GPC3: variants seen among roughly 807,000 people sequenced by gnomAD.
The protein encoded by GPC3 is glypican-3.
Under a neutral mutation model 34.4 loss-of-function variants are expected in GPC3, and 3 were observed. The ratio of observed to expected loss-of-function variants is 0.09; its 90% CI spans 0.04 to 0.23. GPC3 has a LOEUF of 0.23. Among genes scored for constraint, GPC3 ranks in the 10% least tolerant of loss-of-function variants. GPC3 has a pLI of 1.00. For missense variants in GPC3, 351 were observed against 445.6 expected (o/e 0.79, Z 1.91); for synonymous variants, 177 against 174.0 (o/e 1.02, Z -0.13).
chrX:133,930,431 C>T (rs977414363), intron 2 of GPC3, among the ~76,000 whole-genome samples: 3 of 112,098 alleles, frequency 2.7e-5, no homozygotes, highest in Non-Finnish European at 3.8e-5. Flanking sequence ...AATCACTTCT[C>T]ATCTCTCTAT....
chrX:133,701,245 A>C lies in GPC3; in HGVS notation c.1033-1217T>G, dbSNP rs773188596. On this transcript the variant is annotated intron_variant, in intron 3 of 7. Coordinates refer to ENST00000370818, the MANE Select transcript of GPC3 (RefSeq NM_004484.4). ...AGCCTAAATGAACCTCCATATAAAG[A>C]AATATGAATATTAACATTCTTATAT... Among the ~76,000 whole-genome samples, 255 of 111,936 alleles carry C rather than the reference A, an allele frequency of 2.3e-3. 1 individual carries two copies. Among genetic ancestry groups the C allele is most frequent in the Non-Finnish European group, 3.7e-3 (197 of 53,232 alleles).
chrX:133,725,988 T>C (rs1391821716), intron 3 of GPC3, among the ~76,000 whole-genome samples: 2 of 111,833 alleles, frequency 1.8e-5, no homozygotes, highest in Non-Finnish European at 3.8e-5. Flanking sequence ...CACATATATC[T>C]AGATTCAAAG....
At chrX:133,618,893 G>A (rs1452053243) in intron 6 of GPC3, among the ~76,000 whole-genome samples, 2 of 110,957 alleles carry the variant, frequency 1.8e-5, no homozygotes, top group East Asian at 2.8e-4. Context: ...ATCAAAAAGT[G>A]GAATGATGAC....
intron 7 of GPC3, among the ~76,000 whole-genome samples, chrX:133,567,971 T>TACCA (rs1325625947): frequency 8.9e-6 from 1 of 112,156 alleles, no homozygotes; most frequent in Non-Finnish European, 1.9e-5. Context: ...ACAAACAAAC[T>TACCA]ACCAAACTAG....
chrX:133,644,257 C>T (rs750651308), intron 6 of GPC3, among the ~76,000 whole-genome samples: 8 of 111,462 alleles, frequency 7.2e-5, no homozygotes, highest in African/African-American at 2.6e-4. Flanking sequence ...TTCAAGTGAC[C>T]TCCTTGACAA....
intron 2 of GPC3, among the ~76,000 whole-genome samples, chrX:133,854,867 C>G (rs1471492107): frequency 8.9e-6 from 1 of 111,831 alleles, no homozygotes; most frequent in African/African-American, 3.3e-5. Flanking sequence ...TATATCCACA[C>G]AAGTGAATTC....
At position 133,691,264 on chromosome X, in the gene GPC3, C is replaced by T. The variant is rs139765353; in HGVS notation, c.1292+1105G>A. ...CTGTAATTTCAGCACTTTGGGAGGC[C>T]GAGGCAGGTGGATCACCCAAGATCA... On this transcript the variant is annotated intron_variant, in intron 5 of 7. Transcript: ENST00000370818. Among the ~76,000 whole-genome samples, 438 of 110,668 alleles carry T rather than the reference C, an allele frequency of 4.0e-3. 1 individual carries two copies. Among genetic ancestry groups the T allele is most frequent in the African/African-American group, 0.013 (409 of 30,464 alleles).
At chrX:133,805,724 G>A (rs2075632445) in intron 2 of GPC3, among the ~76,000 whole-genome samples, 1 of 111,789 alleles carries the variant, frequency 8.9e-6, no homozygotes, top group Non-Finnish European at 1.9e-5. Flanking sequence ...TACCTCCTAA[G>A]GTTGTTGAGA....
chrX:133,982,298 T>C (rs2076544103), intron 1 of GPC3, among the ~76,000 whole-genome samples: 1 of 111,966 alleles, frequency 8.9e-6, no homozygotes, highest in Non-Finnish European at 1.9e-5. Context: ...TTATATGGAT[T>C]TTTCTGCCAA....
intron 2 of GPC3, among the ~76,000 whole-genome samples, chrX:133,755,529 C>T (rs1462989239): frequency 8.9e-6 from 1 of 111,991 alleles, no homozygotes; most frequent in Admixed American, 9.5e-5. Flanking sequence ...TCCAAGCTCA[C>T]TTGAGAAAAT....
intron 2 of GPC3, among the ~76,000 whole-genome samples, chrX:133,772,166 C>T (rs1025385271): frequency 8.1e-5 from 9 of 111,786 alleles, no homozygotes; most frequent in African/African-American, 2.9e-4. Flanking sequence ...GAAAAGTTTG[C>T]CTGCCATCGC....
In GPC3 at chrX:133,599,076, T is replaced by C. The variant is rs764491841; in HGVS notation, c.1414-2477A>G. 1.2e-4 allele frequency among the ~76,000 whole-genome samples: 14 copies of C among 112,024 alleles called. 1 individual carries two copies. The highest frequency in any genetic ancestry group is 1.9e-4 in the Non-Finnish European group (10 of 53,236). On this transcript the variant is annotated intron_variant, in intron 6 of 7. Coordinates refer to ENST00000370818, the MANE Select transcript of GPC3 (RefSeq NM_004484.4). Reference sequence around the variant, plus strand: ...CTCTCTTTGTTCCTTTCCAAGAAAATGTCTAGCAAGTATTTAAGTCTGCAT... The same window carrying C: ...CTCTCTTTGTTCCTTTCCAAGAAAACGTCTAGCAAGTATTTAAGTCTGCAT...
chrX:133,832,618 C>T (rs753354778), intron 2 of GPC3, among the ~76,000 whole-genome samples: 1 of 111,319 alleles, frequency 9.0e-6, no homozygotes, highest in East Asian at 2.8e-4. Context: ...ACACAGGTGG[C>T]TGGTCTCTCT....
chrX:133,825,995 C>T (rs918687938), intron 2 of GPC3, among the ~76,000 whole-genome samples: 1 of 112,037 alleles, frequency 8.9e-6, no homozygotes, highest in Non-Finnish European at 1.9e-5. Context: ...TCAGAAAACT[C>T]ACTAAATAAA....
intron 6 of GPC3, among the ~76,000 whole-genome samples, chrX:133,625,895 C>A (rs1283414274): frequency 9.0e-6 from 1 of 111,100 alleles, no homozygotes; most frequent in Non-Finnish European, 1.9e-5. Flanking sequence ...GGAGGCATCA[C>A]GCTACCTGAC....
chrX:133,800,955 T>C (rs2075606558), intron 2 of GPC3, among the ~76,000 whole-genome samples: 1 of 112,062 alleles, frequency 8.9e-6, no homozygotes, highest in African/African-American at 3.2e-5. Flanking sequence ...TTTCAAATAC[T>C]CTAAGCTGCA....
chrX:133,913,751 C>T (rs1364397913), intron 2 of GPC3, among the ~76,000 whole-genome samples: 2 of 111,182 alleles, frequency 1.8e-5, no homozygotes, highest in Non-Finnish European at 3.8e-5. Flanking sequence ...CCACTCTATT[C>T]TAGGGACTGA....
At chrX:133,558,831 A>G (rs1603157356) in intron 7 of GPC3, among the ~76,000 whole-genome samples, 2 of 108,536 alleles carry the variant, frequency 1.8e-5, no homozygotes, top group Admixed American at 2.0e-4. Flanking sequence ...TGGAGGTTGC[A>G]GTGAGCCAAA....
chrX:133,599,116 A>G (rs2069953031), intron 6 of GPC3, among the ~76,000 whole-genome samples: 1 of 112,162 alleles, frequency 8.9e-6, no homozygotes, highest in African/African-American at 3.2e-5. Context: ...ATAGTTTGTC[A>G]GTCATTCTCT....
Sources: allele counts gnomAD v4.1 joint callset (sites outside exome capture counted in the v4.1 genomes callset), GRCh38; gene constraint gnomAD v4.1.1; transcripts MANE v1.5; gene names NCBI Gene and HGNC (gene_info 2026-07-23, HGNC 2026-07-21).